Variants in UTRN observed in about 807,000 individuals in gnomAD.
UTRN encodes the protein utrophin, also known as dystrophin-related protein 1.
Under a neutral mutation model 463.9 loss-of-function variants are expected in UTRN, and 283 were observed. The ratio of observed to expected loss-of-function variants is 0.61; its 90% confidence interval spans 0.55 to 0.67. UTRN has a LOEUF of 0.67. Among genes scored for constraint, UTRN ranks in the 30% least tolerant of loss-of-function variants. The pLI is 0.00. For synonymous variants in UTRN, 1,442 were observed against 1,431.5 expected (o/e 1.01, Z -0.17); for missense variants, 3,922 against 4,084.3 (o/e 0.96, Z 1.08).
At chr6:144,471,309 G>C (rs1790638016) in intron 23 of UTRN, among the ~76,000 whole-genome samples, 1 of 152,150 alleles carries the variant, frequency 6.6e-6, no homozygotes, top group South Asian at 2.1e-4. Flanking sequence ...TCAAGTCAAA[G>C]CCAATTGTGG....
At position 144,430,706 on chromosome 6, in the gene UTRN, T is replaced by G. The variant is rs187598036; in HGVS notation, c.855+965T>G. 2.4e-4 allele frequency among the ~76,000 whole-genome samples: 37 copies of G among 152,316 alleles called. No homozygotes were observed. In the East Asian group the frequency reaches 7.1e-3, roughly 29 times the overall value. The stretch of plus-strand genomic sequence containing the variant: ...CTCAACAAGCAACAGCTATCATTAT[T>G]ATCATTTTTCTTCTTGATTTGTTTT... On this transcript the variant is annotated intron_variant, in intron 9 of 74. Transcript: ENST00000367545.
chr6:144,360,174 C>CTTCTTCCT (rs1039317733), intron 2 of UTRN, among the ~76,000 whole-genome samples: 1 of 143,146 alleles, frequency 7.0e-6, no homozygotes, highest in Admixed American at 7.1e-5. Flanking sequence ...CTTTTCTTTC[C>CTTCTTCCT]TTCTTCCTTT....
intron 2 of UTRN, among the ~76,000 whole-genome samples, chr6:144,348,568 A>G (rs1018882875): frequency 6.6e-6 from 1 of 152,226 alleles, no homozygotes; most frequent in Non-Finnish European, 1.5e-5. Context: ...AAGACCAGGT[A>G]ACTATAACTT....
intron 2 of UTRN, among the ~76,000 whole-genome samples, chr6:144,335,912 G>T (rs79351812): frequency 0.022 from 3,402 of 152,070 alleles, 111 homozygotes; most frequent in African/African-American, 0.077. Context: ...CTCACTCTTG[G>T]CTCTAAGTTG....
intron 52 of UTRN, among the ~76,000 whole-genome samples, chr6:144,683,667 G>A (rs1344398444): frequency 1.3e-5 from 2 of 152,016 alleles, no homozygotes; most frequent in East Asian, 1.9e-4. Flanking sequence ...TAAATGTTGG[G>A]TTTCCCCTTA....
chr6:144,584,687 T>TC (rs1308153429), intron 51 of UTRN, among the ~76,000 whole-genome samples: 2 of 152,030 alleles, frequency 1.3e-5, no homozygotes, highest in African/African-American at 2.4e-5. Flanking sequence ...TTTTTTTTTT[T>TC]CCGGAAGTTT....
intron 53 of UTRN, among the ~76,000 whole-genome samples, chr6:144,712,402 C>T (rs1451589152): frequency 6.6e-6 from 1 of 152,186 alleles, no homozygotes; most frequent in Non-Finnish European, 1.5e-5. Context: ...TAATAGGTGT[C>T]ACTCTCTGGT....
intron 27 of UTRN, among the ~76,000 whole-genome samples, chr6:144,483,678 G>A (rs150477146): frequency 1.7e-3 from 262 of 152,234 alleles, no homozygotes; most frequent in Middle Eastern, 6.8e-3. Flanking sequence ...GGAACTCTTG[G>A]GCTCAAGCCA....
rs774982009 is a variant in UTRN at position 144,757,890 on chromosome 6, G to T, written c.8435-39G>T. 1.3e-5 allele frequency: 21 copies of T among 1,585,714 alleles called. No individual in the cohort carries two copies. In the African/African-American group the frequency reaches 2.3e-4, roughly 17 times the overall value. ...TTGCATTAAGGTGTAAGGCTTTTTG[G>T]TTTCCAACGTTTCCAATAATCTCCC... On this transcript the variant is annotated intron_variant, in intron 57 of 74. Transcript: ENST00000367545.
intron 57 of UTRN, 76 bp from the exon 58 acceptor site, chr6:144,757,853 T>C (rs1792183847): frequency 1.5e-6 from 2 of 1,325,226 alleles, no homozygotes; most frequent in Admixed American, 2.1e-5. Flanking sequence ...TGCTATAAAA[T>C]GTTCAGTTGT....
At chr6:144,582,935 T>A (rs1333827733) in intron 51 of UTRN, among the ~76,000 whole-genome samples, 1 of 152,158 alleles carries the variant, frequency 6.6e-6, no homozygotes, top group African/African-American at 2.4e-5. Flanking sequence ...TCTCAAGATT[T>A]ATAACAGGGT....
chr6:144,442,881 T>C (rs985978119), intron 13 of UTRN, among the ~76,000 whole-genome samples: 1 of 152,196 alleles, frequency 6.6e-6, no homozygotes, highest in South Asian at 2.1e-4. Context: ...AGGAGCTTGT[T>C]AAAATGTAGA....
At chr6:144,626,686 T>C (rs912804763) in intron 51 of UTRN, among the ~76,000 whole-genome samples, 1 of 152,186 alleles carries the variant, frequency 6.6e-6, no homozygotes, top group Non-Finnish European at 1.5e-5. Context: ...TCGCCCAGGC[T>C]AGAGATGCAG....
intron 2 of UTRN, among the ~76,000 whole-genome samples, chr6:144,372,741 G>T (rs909240121): frequency 6.6e-6 from 1 of 152,134 alleles, no homozygotes; most frequent in South Asian, 2.1e-4. Context: ...GACCTCAGGT[G>T]ATATGCTCAC....
At chr6:144,415,095 C>G (rs1784256565) in intron 3 of UTRN, among the ~76,000 whole-genome samples, 1 of 152,162 alleles carries the variant, frequency 6.6e-6, no homozygotes, top group Non-Finnish European at 1.5e-5. Context: ...CAGTTGCCTG[C>G]ATTATTCAGT....
chr6:144,506,989 T>C (rs764598402), intron 34 of UTRN, among the ~76,000 whole-genome samples: 2 of 152,108 alleles, frequency 1.3e-5, no homozygotes, highest in African/African-American at 4.8e-5. Context: ...TCTAATCTTA[T>C]CTTCACACTT....
intron 51 of UTRN, among the ~76,000 whole-genome samples, chr6:144,670,344 T>C (rs1023817562): frequency 2.0e-5 from 3 of 152,126 alleles, no homozygotes; most frequent in Non-Finnish European, 4.4e-5. Flanking sequence ...GGGTATCACA[T>C]TGTGGTTTTG....
intron 54 of UTRN, among the ~76,000 whole-genome samples, chr6:144,741,003 A>G (rs1790002786): frequency 6.6e-6 from 1 of 152,230 alleles, no homozygotes; most frequent in South Asian, 2.1e-4. Context: ...TGATTTAAAC[A>G]TAAAGGACCG....
At chr6:144,848,504 CAG>C (rs1303052883) in intron 74 of UTRN, among the ~76,000 whole-genome samples, 1 of 152,028 alleles carries the variant, frequency 6.6e-6, no homozygotes, top group Non-Finnish European at 1.5e-5. Flanking sequence ...GTGTGGGAGA[CAG>C]AAATAAAGAT....
Sources: gnomAD v4.1 joint callset for allele counts (sites outside exome capture counted in the v4.1 genomes callset) on GRCh38, gnomAD v4.1.1 for gene constraint, MANE v1.5 for transcripts, NCBI Gene and HGNC (gene_info 2026-07-23, HGNC 2026-07-21) for gene names.